Variants in STAG1 observed in about 807,000 individuals in gnomAD.
STAG1 encodes STAG1 cohesin complex component, also known as cohesin subunit SA-1.
In STAG1, 26 loss-of-function variants were observed where a neutral mutation model predicts 170.9. The ratio of observed to expected loss-of-function variants is 0.15; its 90% CI spans 0.11 to 0.21. STAG1 has a LOEUF of 0.21. STAG1 is among the 10% of genes least tolerant of loss of function. The probability of loss-of-function intolerance (pLI) is 1.00; values close to 1 mark genes in which losing one functional copy is unlikely to be tolerated. For missense variants in STAG1, 964 were observed against 1,509.5 expected (o/e 0.64, Z 5.99); for synonymous variants, 514 against 497.7 (o/e 1.03, Z -0.44).
intron 20 of STAG1, 27 bp downstream of exon 20, chr3:136,421,066 G>A: frequency 4.7e-6 from 7 of 1,484,446 alleles, no homozygotes; most frequent in Non-Finnish European, 6.5e-6. Context: ...CCACCTCGTT[G>A]CCTTTACTTT....
chr3:136,743,509 T>C (rs1934785473), intron 1 of STAG1, among the ~76,000 whole-genome samples: 1 of 151,546 alleles, frequency 6.6e-6, no homozygotes, highest in Admixed American at 6.6e-5. Context: ...TTCCCTAAAC[T>C]GATACAAGAT....
intron 29 of STAG1, 39 bp from the exon 30 acceptor site, chr3:136,344,045 G>A (rs763346982): frequency 3.9e-5 from 58 of 1,472,088 alleles, no homozygotes; most frequent in Non-Finnish European, 5.2e-5. Flanking sequence ...TGTCGTGGGT[G>A]GAGTGAACTC....
intron 1 of STAG1, among the ~76,000 whole-genome samples, chr3:136,719,268 TATAA>T (rs935450802): frequency 6.6e-6 from 1 of 152,150 alleles, no homozygotes; most frequent in African/African-American, 2.4e-5. Context: ...CATAAGAGCA[TATAA>T]ATGATTCCAA....
chr3:136,588,544 T>C lies in STAG1; in HGVS notation c.297+15765A>G, dbSNP rs139282549. ...TAGTAGAAACAGGGTTTCACCATGT[T>C]AGCTAGGTTGGTCTTGAACTCCTGA... On this transcript the variant is annotated intron_variant, in intron 4 of 33. Transcript: ENST00000383202. Among the ~76,000 whole-genome samples the C allele has an allele frequency of 6.5e-3, 989 of 152,264 alleles. 12 individuals are homozygous for C. The highest frequency in any genetic ancestry group is 0.023 in the African/African-American group (941 of 41,542).
intron 16 of STAG1, among the ~76,000 whole-genome samples, chr3:136,426,235 G>A (rs1007306803): frequency 2.0e-5 from 3 of 151,786 alleles, no homozygotes; most frequent in Non-Finnish European, 2.9e-5. Context: ...GTGAAACCCC[G>A]TCTCTACTAA....
intron 1 of STAG1, among the ~76,000 whole-genome samples, chr3:136,645,195 C>T (rs1415284779): frequency 6.6e-6 from 1 of 152,198 alleles, no homozygotes; most frequent in Non-Finnish European, 1.5e-5. Flanking sequence ...CTAAATTATA[C>T]TCCCCTGATT....
chr3:136,528,087 G>A (rs1269788022), intron 6 of STAG1, among the ~76,000 whole-genome samples: 1 of 152,104 alleles, frequency 6.6e-6, no homozygotes, highest in East Asian at 1.9e-4. Context: ...CTCCGTGCTG[G>A]GAGAACCACT....
intron 13 of STAG1, among the ~76,000 whole-genome samples, chr3:136,462,183 C>G (rs1440508798): frequency 6.6e-6 from 1 of 152,070 alleles, no homozygotes; most frequent in Admixed American, 6.5e-5. Flanking sequence ...TCAAGCAACT[C>G]CACTGCTAAG....
intron 1 of STAG1, among the ~76,000 whole-genome samples, chr3:136,684,665 C>A (rs1410785606): frequency 6.6e-6 from 1 of 150,452 alleles, no homozygotes; most frequent in Non-Finnish European, 1.5e-5. Flanking sequence ...GTGGGAGAAT[C>A]ATCGGGAGAT....
At chr3:136,487,675 T>C (rs759207396) in intron 9 of STAG1, among the ~76,000 whole-genome samples, 1 of 152,178 alleles carries the variant, frequency 6.6e-6, no homozygotes, top group Non-Finnish European at 1.5e-5. Flanking sequence ...ATGTGAATAA[T>C]CACAGACTAG....
chr3:136,493,328 G>A (rs1427587241), intron 9 of STAG1, among the ~76,000 whole-genome samples: 3 of 151,930 alleles, frequency 2.0e-5, no homozygotes, highest in Non-Finnish European at 2.9e-5. Context: ...GGGTGACAGA[G>A]TAAAACCCTG....
rs74655171 is a variant in STAG1 at position 136,576,812 on chromosome 3, G to C, written c.298-7951C>G. Among the ~76,000 whole-genome samples, 1,225 of 152,276 alleles carry C rather than the reference G, an allele frequency of 8.0e-3. 23 individuals are homozygous for C. The highest frequency in any genetic ancestry group is 0.027 in the African/African-American group (1,126 of 41,556). On this transcript the variant is annotated intron_variant, in intron 4 of 33. Transcript: ENST00000383202. ...TATTAGGTTAAGTATACTTTTCTCA[G>C]TAAGCCATTTAGTAGGACCTTGGTT...
chr3:136,720,273 AC>A (rs1179272689), intron 1 of STAG1, among the ~76,000 whole-genome samples: 2 of 152,196 alleles, frequency 1.3e-5, no homozygotes, highest in Non-Finnish European at 1.5e-5. Context: ...CAAAGTAAAT[AC>A]ATAAAATCCA....
At chr3:136,608,494 G>A (rs1576661899) in intron 3 of STAG1, among the ~76,000 whole-genome samples, 1 of 148,848 alleles carries the variant, frequency 6.7e-6, no homozygotes, top group Non-Finnish European at 1.5e-5. Context: ...TTATAGCACT[G>A]TACTCCTGGA....
chr3:136,373,982 C>G (rs1213022358), intron 23 of STAG1, among the ~76,000 whole-genome samples: 1 of 152,088 alleles, frequency 6.6e-6, no homozygotes, highest in Non-Finnish European at 1.5e-5. Context: ...GTCTAAGTCT[C>G]TTTGTAGGTC....
intron 22 of STAG1, 99 bp from the exon 23 acceptor site, chr3:136,377,851 T>C (rs968670929): frequency 1.1e-6 from 1 of 918,628 alleles, no homozygotes; most frequent in African/African-American, 1.6e-5. Context: ...TGGTTTATTC[T>C]CAAGGAAATT....
intron 1 of STAG1, among the ~76,000 whole-genome samples, chr3:136,721,943 T>C (rs911314499): frequency 6.6e-6 from 1 of 150,958 alleles, no homozygotes; most frequent in African/African-American, 2.4e-5. Context: ...ACTATGGGGC[T>C]AGGTGTGGTG....
intron 1 of STAG1, among the ~76,000 whole-genome samples, chr3:136,631,628 G>A (rs912572292): frequency 6.6e-6 from 1 of 152,206 alleles, no homozygotes; most frequent in East Asian, 1.9e-4. Flanking sequence ...GACGTTGATA[G>A]TACGGTAGGC....
rs566685771 is a variant in STAG1, at chr3:136,501,956, C to T, written c.828+672G>A. On this transcript the variant is annotated intron_variant, in intron 8 of 33. Coordinates refer to ENST00000383202, the MANE Select transcript of STAG1 (RefSeq NM_005862.3). The stretch of plus-strand genomic sequence containing the variant: ...CAGCACTTTGGGAGGCCGAGGTGGG[C>T]GGATCACCTGAGGTTGGGAGTTCGA... Among the ~76,000 whole-genome samples the T allele has an allele frequency of 1.4e-4, 22 of 152,028 alleles. 1 individual carries two copies. The highest frequency in any genetic ancestry group is 8.5e-4 in the Admixed American group (13 of 15,258).
Sources: allele counts gnomAD v4.1 joint callset (sites outside exome capture counted in the v4.1 genomes callset), GRCh38; gene constraint gnomAD v4.1.1; transcripts MANE v1.5; gene names NCBI Gene and HGNC (gene_info 2026-07-23, HGNC 2026-07-21).